Variants in SHTN1 observed in about 807,000 individuals in gnomAD.
SHTN1 encodes the protein shootin-1.
SHTN1 carries 42 observed loss-of-function variants against 83.1 expected under a neutral mutation model. That is an observed-to-expected ratio of 0.51 (90% CI 0.39 to 0.65). SHTN1 has a LOEUF of 0.65. SHTN1 is among the 30% of genes least tolerant of loss of function. SHTN1 has a pLI of 0.00. For synonymous variants in SHTN1, 224 were observed against 247.7 expected, an observed-to-expected ratio of 0.90 and a Z score of 0.90; for missense variants, 622 against 737.8, an observed-to-expected ratio of 0.84 and a Z score of 1.82.
At chr10:116,892,244 A>G (rs1015202498) in intron 16 of SHTN1, among the ~76,000 whole-genome samples, 2 of 152,180 alleles carry the variant, frequency 1.3e-5, no homozygotes, top group African/African-American at 4.8e-5. Flanking sequence ...CCTCTAGTGC[A>G]GGCTGGACTG....
chr10:117,022,134 T>C (rs1455757809), intron 2 of SHTN1, among the ~76,000 whole-genome samples: 2 of 152,162 alleles, frequency 1.3e-5, no homozygotes, highest in Non-Finnish European at 2.9e-5. Context: ...TCTCTATATA[T>C]AGTCTGCCTG....
intron 1 of SHTN1, among the ~76,000 whole-genome samples, chr10:117,084,514 G>A (rs539509850): frequency 9.2e-5 from 14 of 152,338 alleles, no homozygotes; most frequent in Non-Finnish European, 1.9e-4. Flanking sequence ...CGCCCCCAGA[G>A]GTGGAGCCTA....
At chr10:116,966,377 G>GA (rs1185922164) in intron 3 of SHTN1, among the ~76,000 whole-genome samples, 2 of 151,990 alleles carry the variant, frequency 1.3e-5, no homozygotes, top group Non-Finnish European at 1.5e-5. Context: ...GAGTTACCAA[G>GA]AGAGTAAGAA....
chr10:116,921,369 A>G (rs1471471173), intron 12 of SHTN1, 65 bp downstream of exon 12: 35 of 1,159,892 alleles, frequency 3.0e-5, no homozygotes, highest in East Asian at 1.9e-4. Context: ...AGAACTTAAC[A>G]AATATGTGAA....
At chr10:117,051,793 C>T (rs1852744425) in intron 1 of SHTN1, among the ~76,000 whole-genome samples, 1 of 151,166 alleles carries the variant, frequency 6.6e-6, no homozygotes, top group Non-Finnish European at 1.5e-5. Flanking sequence ...CATGAAAGAC[C>T]TACAACTGAC....
At chr10:116,924,647 G>A (rs1347991243) in intron 11 of SHTN1, among the ~76,000 whole-genome samples, 1 of 151,774 alleles carries the variant, frequency 6.6e-6, no homozygotes, top group Non-Finnish European at 1.5e-5. Flanking sequence ...CAAACCTCTG[G>A]CCATCACTGC....
intron 1 of SHTN1, among the ~76,000 whole-genome samples, chr10:116,992,880 C>A (rs1471548986): frequency 6.6e-6 from 1 of 152,056 alleles, no homozygotes; most frequent in Non-Finnish European, 1.5e-5. Flanking sequence ...TCTATTGGAT[C>A]CAACTGTCAT....
chr10:117,126,003 C>G (rs1460365490), intron 1 of SHTN1, among the ~76,000 whole-genome samples: 1 of 152,224 alleles, frequency 6.6e-6, no homozygotes, highest in African/African-American at 2.4e-5. Context: ...TCCTGTGCAC[C>G]CTTAGCAAGC....
rs142095568 is a variant in SHTN1 at position 117,030,123 on chromosome 10, G to A, written c.-123+18322C>T. On this transcript the variant is annotated intron_variant, in intron 2 of 17. Coordinates refer to the SHTN1 transcript ENST00000392901. ...AGAATGGTCTTGATCTCTTGACCTC[G>A]TGATCTGCCCACCTTGGCCTCCCAA... 3.2e-3 allele frequency among the ~76,000 whole-genome samples: 483 copies of A among 152,136 alleles called. 7 individuals carry two copies. Among genetic ancestry groups the A allele is most frequent in the Non-Finnish European group, 1.7e-3 (114 of 67,988 alleles).
At chr10:117,020,514 A>AAAC (rs1564932804) in intron 2 of SHTN1, among the ~76,000 whole-genome samples, 2 of 147,968 alleles carry the variant, frequency 1.4e-5, no homozygotes, top group Non-Finnish European at 1.5e-5. Flanking sequence ...AAAAAAAAAA[A>AAAC]CCCACACTTA....
chr10:116,985,477 C>T (rs1047032274), intron 1 of SHTN1, among the ~76,000 whole-genome samples: 11 of 152,038 alleles, frequency 7.2e-5, no homozygotes, highest in African/African-American at 2.7e-4. Context: ...CTTTATCTAT[C>T]CAGATTCCCA....
chr10:117,094,906 A>G (rs553145656), intron 1 of SHTN1, among the ~76,000 whole-genome samples: 1 of 152,196 alleles, frequency 6.6e-6, no homozygotes, highest in Non-Finnish European at 1.5e-5. Context: ...TCAAGGGAGG[A>G]TACAACCTTG....
Position 116,983,665 on chromosome 10 carries a change from T to C in SHTN1, c.59-4357A>G, listed in dbSNP as rs1192729175. ...ATAGATAGATAGATAGATAGATAGA[T>C]AGATAGATAGATAGATAGATAAATA... On this transcript the variant is annotated intron_variant, in intron 1 of 16. Coordinates refer to ENST00000355371, the MANE Select transcript of SHTN1 (RefSeq NM_001127211.3). Among the ~76,000 whole-genome samples, 8 of 86,040 alleles carry C rather than the reference T, an allele frequency of 9.3e-5. 1 individual carries two copies. The East Asian group carries it at 1.2e-3, about 13-fold the overall frequency. 56.4% of individuals were successfully genotyped at this position (86,040 alleles called of 152,430 possible).
intron 16 of SHTN1, among the ~76,000 whole-genome samples, chr10:116,888,120 T>C (rs1589773789): frequency 6.6e-6 from 1 of 152,210 alleles, no homozygotes. Flanking sequence ...TTGGAGGTGG[T>C]AAAAACAAAA....
At chr10:116,978,374 T>A (rs557393435) in intron 2 of SHTN1, among the ~76,000 whole-genome samples, 1 of 152,304 alleles carries the variant, frequency 6.6e-6, no homozygotes, top group African/African-American at 2.4e-5. Context: ...GCTATCTTCT[T>A]CTTTAATATC....
intron 16 of SHTN1, among the ~76,000 whole-genome samples, chr10:116,893,768 A>T (rs1847422025): frequency 6.6e-6 from 1 of 152,150 alleles, no homozygotes; most frequent in Non-Finnish European, 1.5e-5. Context: ...TGGCCAACTA[A>T]ATTAATTTCC....
rs1491450647 is a variant in SHTN1 at position 116,979,228 on chromosome 10, AAG to A, written c.111+26_111+27del. On this transcript the variant is annotated intron_variant, in intron 2 of 16. Coordinates refer to ENST00000355371, the MANE Select transcript of SHTN1 (RefSeq NM_001127211.3). ...CGCCTAGGCTTTTACACATGTAAGA[AAG>A]GGGAAAAAAAAGGTAAAGTACAAAC... The A allele has an allele frequency of 2.5e-6, 4 of 1,600,244 alleles. No individual in the cohort carries two copies. In the South Asian group the frequency reaches 4.4e-5, roughly 18 times the overall value.
upstream of SHTN1, among the ~76,000 whole-genome samples, chr10:117,007,045 A>G (rs1258738859): frequency 2.0e-5 from 3 of 152,094 alleles, no homozygotes; most frequent in Admixed American, 6.6e-5. Context: ...AAATGTTTAA[A>G]GTTTAAAAAT....
chr10:116,881,498 A>G lies in SHTN1; in HGVS notation c.*4846T>C, dbSNP rs1407352104. ...ACCATTGGATTAGACAGTAAACTTTATTGTTACTTTAAATAGGTTTCAAAG... is the reference window on the plus strand; with the variant it reads ...ACCATTGGATTAGACAGTAAACTTTGTTGTTACTTTAAATAGGTTTCAAAG... On this transcript the variant is annotated 3_prime_UTR_variant, in exon 17 of 17. Coordinates refer to ENST00000355371, the MANE Select transcript of SHTN1 (RefSeq NM_001127211.3). 1.3e-6 allele frequency: 2 copies of G among 1,523,390 alleles called. No homozygotes were observed. Among genetic ancestry groups the G allele is most frequent in the Non-Finnish European group, 1.8e-6 (2 of 1,134,682 alleles). 94.4% of individuals were successfully genotyped at this position (1,523,390 alleles called of 1,614,324 possible).
Sources: gnomAD v4.1 joint callset for allele counts (sites outside exome capture counted in the v4.1 genomes callset) on GRCh38, gnomAD v4.1.1 for gene constraint, MANE v1.5 for transcripts, NCBI Gene and HGNC (gene_info 2026-07-23, HGNC 2026-07-21) for gene names.